Variants in COL13A1 observed in about 807,000 individuals in gnomAD.
The protein encoded by COL13A1 is collagen alpha-1(XIII) chain.
Under a neutral mutation model 130.9 loss-of-function variants are expected in COL13A1, and 89 were observed. That is an observed-to-expected ratio of 0.68 (90% CI 0.57 to 0.81). The LOEUF is 0.81. Among genes scored for constraint, COL13A1 ranks in the 30% least tolerant of loss-of-function variants. COL13A1 has a pLI of 0.00. For missense variants in COL13A1, 879 were observed against 934.6 expected (o/e 0.94, Z 0.78); for synonymous variants, 402 against 341.6 (o/e 1.18, Z -1.95).
chr10:69,872,290 G>A (rs2059151433), intron 4 of COL13A1, 80 bp downstream of exon 4: 1 of 1,550,344 alleles, frequency 6.5e-7, no homozygotes. Context: ...AGGTTGGGTG[G>A]CTGGTTTTTC....
At chr10:69,822,459 G>T in intron 2 of COL13A1, 21 bp downstream of exon 2, 2 of 1,565,498 alleles carry the variant, frequency 1.3e-6, no homozygotes, top group African/African-American at 1.4e-5. Flanking sequence ...CTGCAAATAG[G>T]TGACCGCGGA....
chr10:69,893,996 C>T (rs2134772486), intron 10 of COL13A1, among the ~76,000 whole-genome samples: 1 of 152,378 alleles, frequency 6.6e-6, no homozygotes, highest in South Asian at 2.1e-4. Flanking sequence ...GACAAGACAA[C>T]CTTGAAGGAA....
At chr10:69,861,889 G>T (rs1858199978) in intron 2 of COL13A1, among the ~76,000 whole-genome samples, 1 of 152,218 alleles carries the variant, frequency 6.6e-6, no homozygotes, top group Non-Finnish European at 1.5e-5. Context: ...GGGCTGGAAA[G>T]GTCTGGGGGT....
chr10:69,937,744 T>C (rs1346556043), intron 34 of COL13A1, 29 bp downstream of exon 34: 6 of 1,001,436 alleles, frequency 6.0e-6, no homozygotes, highest in Middle Eastern at 2.0e-4. Context: ...GCAAGACTGG[T>C]GGGTTTGATG....
At position 69,878,150 on chromosome 10, in the gene COL13A1, C is replaced by A. The variant is rs556399596; in HGVS notation, c.462+85C>A. ...GATGGGAGGCTCTCAGCCCTCCCCC[C>A]CATGAAAGCCGCAGCAGAGGGTGCT... On this transcript the variant is annotated intron_variant, in intron 6 of 40. Transcript: ENST00000645393. The A allele has an allele frequency of 4.7e-4, 326 of 689,192 alleles. 1 individual carries two copies. Among genetic ancestry groups the A allele is most frequent in the Middle Eastern group, 2.5e-3 (10 of 4,054 alleles). 42.7% of individuals were successfully genotyped at this position (689,192 alleles called of 1,614,324 possible).
chr10:69,867,434 T>C (rs1183667246), intron 2 of COL13A1, among the ~76,000 whole-genome samples: 1 of 152,198 alleles, frequency 6.6e-6, no homozygotes, highest in Non-Finnish European at 1.5e-5. Context: ...TCCGCCTTTC[T>C]CAGTGTGCCT....
At position 69,898,756 on chromosome 10, in the gene COL13A1, G is replaced by A. The variant is rs1227747; in HGVS notation, c.744G>A (p.Thr248=). 1,612,058 of 1,613,208 alleles carry A rather than the reference G, an allele frequency of 1. 805,463 individuals are homozygous for A. Among genetic ancestry groups the A allele is most frequent in the East Asian group, 1 (44,860 of 44,860 alleles). The stretch of plus-strand genomic sequence containing the variant: ...CACCCCCGGTCATAAAAAGGCGGAC[G>A]TTCCAGGTAGACACCTCCCGTTTGT... ...LAPPPVIKRR[T]FQGEQSQASI... is the part of the protein sequence containing the mutation. Residue 248 remains threonine, a synonymous_variant, in exon 14 of 41, where the codon ACG becomes ACA. Transcript: ENST00000645393.
intron 25 of COL13A1, 132 bp from the exon 26 acceptor site, chr10:69,925,672 C>T (rs1224320126): frequency 4.6e-6 from 3 of 651,340 alleles, no homozygotes; most frequent in Admixed American, 2.5e-5. Flanking sequence ...ATCCCCAGGG[C>T]CCCGCTGGCT....
At chr10:69,864,784 C>T (rs1365136713) in intron 2 of COL13A1, among the ~76,000 whole-genome samples, 2 of 152,166 alleles carry the variant, frequency 1.3e-5, no homozygotes, top group East Asian at 1.9e-4. Context: ...CGGCGGAGAA[C>T]GGTAGTGGCC....
rs1036833441 is a variant in COL13A1 at position 69,925,699 on chromosome 10, T to A, written c.1330-105T>A. ...CCGCTGGCTGTTCTGGGTCCACCCA[T>A]GTGCAGCTAGGTGCAGCCAGTGTGG... On this transcript the variant is annotated intron_variant, in intron 25 of 40. Transcript: ENST00000645393. The A allele has an allele frequency of 1.4e-5, 11 of 788,498 alleles. No homozygotes were observed. In the South Asian group the frequency reaches 1.8e-4, roughly 13 times the overall value. The allele number at this position is 788,498 out of a possible 1,614,324, so 48.8% of individuals were successfully genotyped here. A position where few individuals can be genotyped will look rare whatever the true frequency, so the allele number is the denominator to read the frequency against.
At chr10:69,889,311 G>A (rs931853335) in intron 9 of COL13A1, 103 bp from the exon 10 acceptor site, 4 of 844,240 alleles carry the variant, frequency 4.7e-6, no homozygotes, top group Admixed American at 1.0e-4. Context: ...GGAGCACGGG[G>A]GGCAGGGAGG....
intron 3 of COL13A1, among the ~76,000 whole-genome samples, chr10:69,870,840 G>A (rs1203696160): frequency 6.7e-6 from 1 of 149,410 alleles, no homozygotes; most frequent in African/African-American, 2.5e-5. Flanking sequence ...GGTGGTCAGA[G>A]CAAAGAGGAA....
chr10:69,880,958 C>T (rs761102656), intron 7 of COL13A1, among the ~76,000 whole-genome samples: 5 of 152,336 alleles, frequency 3.3e-5, no homozygotes, highest in South Asian at 2.1e-4. Flanking sequence ...GACCCAGGCA[C>T]GCACTACTGG....
chr10:69,834,127 G>C (rs1418295806), intron 2 of COL13A1, among the ~76,000 whole-genome samples: 5 of 152,178 alleles, frequency 3.3e-5, no homozygotes, highest in Non-Finnish European at 7.3e-5. Context: ...ATGACTTCAG[G>C]ATGAAATTGT....
chr10:69,851,749 G>C (rs1854899782), intron 2 of COL13A1, among the ~76,000 whole-genome samples: 1 of 152,156 alleles, frequency 6.6e-6, no homozygotes, highest in Non-Finnish European at 1.5e-5. Context: ...CCACCTCCCT[G>C]ATTCAAGTGA....
intron 38 of COL13A1, among the ~76,000 whole-genome samples, chr10:69,949,471 C>A (rs1376500561): frequency 6.6e-6 from 1 of 152,194 alleles, no homozygotes; most frequent in African/African-American, 2.4e-5. Flanking sequence ...CATGAGCCAC[C>A]GCACCTGGCC....
intron 5 of COL13A1, 101 bp downstream of exon 5, chr10:69,875,264 A>G (rs923836420): frequency 1.2e-5 from 17 of 1,444,442 alleles, no homozygotes; most frequent in Non-Finnish European, 1.6e-5. Context: ...CCCAGGCCCA[A>G]GGAGGGGGTC....
At chr10:69,898,052 A>G (rs905347238) in intron 13 of COL13A1, among the ~76,000 whole-genome samples, 8 of 152,110 alleles carry the variant, frequency 5.3e-5, no homozygotes, top group Non-Finnish European at 1.0e-4. Flanking sequence ...AGCACTTAAC[A>G]TGTGCCCACG....
At chr10:69,888,637 C>T (rs771804538) in intron 9 of COL13A1, among the ~76,000 whole-genome samples, 3 of 152,074 alleles carry the variant, frequency 2.0e-5, no homozygotes, top group South Asian at 2.1e-4. Context: ...GTGGAGGGTA[C>T]GGAGGTCAAA....
Sources: allele counts gnomAD v4.1 joint callset (sites outside exome capture counted in the v4.1 genomes callset), GRCh38; gene constraint gnomAD v4.1.1; transcripts MANE v1.5; gene names NCBI Gene and HGNC (gene_info 2026-07-23, HGNC 2026-07-21).